The following VPS13C variants were observed in gnomAD, a reference collection of about 807,000 sequenced individuals.
The protein encoded by VPS13C is intermembrane lipid transfer protein VPS13C.
In VPS13C, 358 loss-of-function variants were observed where a neutral mutation model predicts 456.8. The observed-to-expected ratio is 0.78, with a 90% CI of 0.72 to 0.86. The LOEUF (loss-of-function observed/expected upper bound fraction) is 0.86, where lower values mean the gene tolerates loss of function less well. Among genes scored for constraint, VPS13C ranks in the 40% least tolerant of loss-of-function variants. The probability of loss-of-function intolerance (pLI) is 0.00; values close to 1 mark genes in which losing one functional copy is unlikely to be tolerated. For synonymous variants in VPS13C, 1,578 were observed against 1,486.7 expected, an observed-to-expected ratio of 1.06 and a Z score of -1.41; for missense variants, 4,818 against 4,385.4, an observed-to-expected ratio of 1.10 and a Z score of -2.79.
chr15:61,928,331 A>G lies in VPS13C; in HGVS notation c.6287-1011T>C, dbSNP rs1237803755. Among the ~76,000 whole-genome samples, 2 of 152,126 alleles carry G rather than the reference A, an allele frequency of 1.3e-5. 1 individual carries two copies. The highest frequency in any genetic ancestry group is 3.8e-4 in the East Asian group (2 of 5,196). ...CTGGAAAGAATATCAGGAAGAGGAA[A>G]AGAGACCCTGATAAAATAGATTATT... On this transcript the variant is annotated intron_variant, in intron 51 of 84. Transcript: ENST00000644861.
At chr15:61,964,058 TATAAC>T in intron 31 of VPS13C, 107 bp from the exon 32 acceptor site, 1 of 603,124 alleles carries the variant, frequency 1.7e-6, no homozygotes, top group Admixed American at 3.0e-5. Flanking sequence ...TAAAAAAAAT[TATAAC>T]ATTCTCCAAC....
intron 21 of VPS13C, 24 bp downstream of exon 21, chr15:61,982,435 T>TA: frequency 6.3e-7 from 1 of 1,575,718 alleles, no homozygotes; most frequent in East Asian, 2.2e-5. Context: ...AGCTGATGCT[T>TA]ATGTAGACAC....
At chr15:62,006,794 A>G (rs1394844613) in intron 15 of VPS13C, among the ~76,000 whole-genome samples, 6 of 152,170 alleles carry the variant, frequency 3.9e-5, no homozygotes, top group Non-Finnish European at 8.8e-5. Context: ...AATGGTCGCC[A>G]TTCTAACTGG....
chr15:61,963,130 C>T (rs572012543), intron 32 of VPS13C, among the ~76,000 whole-genome samples: 4 of 152,090 alleles, frequency 2.6e-5, no homozygotes, highest in African/African-American at 9.6e-5. Context: ...TCCTTTATAC[C>T]TTATATCCAG....
At chr15:61,939,042 T>G (rs939945261) in intron 47 of VPS13C, among the ~76,000 whole-genome samples, 1 of 152,264 alleles carries the variant, frequency 6.6e-6, no homozygotes, top group African/African-American at 2.4e-5. Flanking sequence ...CAATTTTGTT[T>G]GATATAGTTC....
rs1281231840 is a variant in VPS13C, at chr15:61,969,405, T to C, written c.2805A>G (p.Leu935=). 1.8e-5 allele frequency: 29 copies of C among 1,581,548 alleles called. No individual in the cohort carries two copies. The highest frequency in any genetic ancestry group is 2.5e-5 in the Non-Finnish European group (29 of 1,162,304). The change falls in exon 28 of 85, where the codon CTA becomes CTG. Residue 935 remains leucine, a synonymous_variant. Coordinates refer to ENST00000644861, the MANE Select transcript of VPS13C (RefSeq NM_020821.3). ...TTCCTAACTGAGTAACATTAAATAC[T>C]AGAATTGTATCTTCTTCTTTCTGCT... ...TKQQKEEDTI[L]VFNVTQLGTE... is the part of the protein sequence containing the mutation.
chr15:61,870,144 CT>C (rs1894908555), intron 79 of VPS13C, among the ~76,000 whole-genome samples: 1 of 152,156 alleles, frequency 6.6e-6, no homozygotes, highest in South Asian at 2.1e-4. Context: ...TATGTTCAGA[CT>C]TCTACAACTA....
intron 3 of VPS13C, among the ~76,000 whole-genome samples, chr15:62,038,996 T>C (rs888835544): frequency 2.6e-5 from 4 of 152,122 alleles, no homozygotes; most frequent in African/African-American, 4.8e-5. Context: ...TTGAGTACTG[T>C]TGGTGAAAAT....
chr15:62,055,125 GA>G (rs1182732180), intron 1 of VPS13C, among the ~76,000 whole-genome samples: 4 of 152,156 alleles, frequency 2.6e-5, no homozygotes, highest in African/African-American at 9.7e-5. Context: ...AACAGAAACA[GA>G]AAGACAATGG....
chr15:61,991,901 T>A, intron 16 of VPS13C, 99 bp from the exon 17 acceptor site: 3 of 1,202,538 alleles, frequency 2.5e-6, no homozygotes, highest in Non-Finnish European at 3.4e-6. Context: ...TTTTTTTTTT[T>A]AACGCTACGT....
intron 26 of VPS13C, among the ~76,000 whole-genome samples, 166 bp from the exon 27 acceptor site, chr15:61,972,930 T>A (rs2045598865): frequency 6.6e-6 from 1 of 152,208 alleles, no homozygotes; most frequent in Non-Finnish European, 1.5e-5. Context: ...TGACTCAACC[T>A]GCCATGTAAT....
intron 71 of VPS13C, 98 bp from the exon 72 acceptor site, chr15:61,881,052 T>G (rs1239816688): frequency 2.1e-6 from 2 of 930,946 alleles, no homozygotes; most frequent in Admixed American, 3.2e-5. Flanking sequence ...AGTTATATCT[T>G]GTTCCTTCAT....
intron 45 of VPS13C, among the ~76,000 whole-genome samples, chr15:61,944,712 C>G (rs996567808): frequency 2.0e-5 from 3 of 152,060 alleles, no homozygotes; most frequent in Admixed American, 2.0e-4. Flanking sequence ...AACCCCAAAC[C>G]TCAGCATCAT....
In VPS13C at chr15:61,941,914, GA is replaced by G; in HGVS notation, c.5301del (p.Pro1768LeufsTer11). ...GCATTAGGTGATACTGAAGACTGAG[GA>G]ATAATAATAACTGGTGCTTTCAAAT... ...DINLKAPVII[I>X]PQSSVSPNAV... On this transcript the variant is annotated frameshift_variant, in exon 46 of 85. Coordinates refer to ENST00000644861, the MANE Select transcript of VPS13C (RefSeq NM_020821.3). LOFTEE classifies it high-confidence loss of function. The G allele has an allele frequency of 6.2e-7, 1 of 1,613,966 alleles. No homozygotes were observed. The highest frequency in any genetic ancestry group is 8.5e-7 in the Non-Finnish European group (1 of 1,179,918).
chr15:61,914,755 T>C (rs2043409007), intron 61 of VPS13C, among the ~76,000 whole-genome samples: 1 of 150,948 alleles, frequency 6.6e-6, no homozygotes, highest in African/African-American at 2.4e-5. Context: ...GAGACGGGGT[T>C]TCACCAGGTT....
chr15:62,038,734 A>G (rs1036265049), intron 3 of VPS13C, among the ~76,000 whole-genome samples: 3 of 152,240 alleles, frequency 2.0e-5, no homozygotes, highest in Non-Finnish European at 2.9e-5. Context: ...TCCAGAATCT[A>G]CAAGGAACTC....
rs1216531619 is a variant in VPS13C at position 61,981,472 on chromosome 15, G to A, written c.2036C>T (p.Thr679Ile). Residue 679 changes from threonine to isoleucine, a missense_variant, in exon 22 of 85, where the codon ACA becomes ATA. This residue lies in a region of VPS13C where 4,552 missense variants were observed against 4,130.6 expected (regional missense o/e 1.10). Coordinates refer to ENST00000644861, the MANE Select transcript of VPS13C (RefSeq NM_020821.3). ...GACTTTTCGAGTTTCAATAATATGT[G>A]TAAGTCCTAAAGACGTAAGAAATAA... ...EIKERTATGL[T>I]HIIETRKVLD... The A allele has an allele frequency of 6.3e-7, 1 of 1,599,310 alleles. No homozygotes were observed. Among genetic ancestry groups the A allele is most frequent in the South Asian group, 1.1e-5 (1 of 87,908 alleles).
At chr15:61,925,142 T>C (rs1377374394) in intron 53 of VPS13C, among the ~76,000 whole-genome samples, 1 of 152,062 alleles carries the variant, frequency 6.6e-6, no homozygotes, top group Non-Finnish European at 1.5e-5. Flanking sequence ...CCATCCCTTC[T>C]TCCCTTCTCT....
In VPS13C at chr15:61,964,962, C is replaced by T. The variant is rs193247277; in HGVS notation, c.3052-101G>A. ...ATTCTCAGGTGGGCTTACATCATTGCTTTCCACCACTCTGAAGGAAGAGTA... is the reference window on the plus strand; with the variant it reads ...ATTCTCAGGTGGGCTTACATCATTGTTTTCCACCACTCTGAAGGAAGAGTA... On this transcript the variant is annotated intron_variant, in intron 30 of 84. Coordinates refer to ENST00000644861, the MANE Select transcript of VPS13C (RefSeq NM_020821.3). 359 of 1,038,516 alleles carry T rather than the reference C, an allele frequency of 3.5e-4. 1 individual carries two copies. The East Asian group carries it at 6.3e-3, about 18-fold the overall frequency. 64.3% of individuals were successfully genotyped at this position (1,038,516 alleles called of 1,614,324 possible).
Sources: gnomAD v4.1 joint callset for allele counts (sites outside exome capture counted in the v4.1 genomes callset) on GRCh38, gnomAD v4.1.1 for gene constraint, gnomAD v4.1.1 regional missense constraint, MANE v1.5 for transcripts, NCBI Gene and HGNC (gene_info 2026-07-23, HGNC 2026-07-21) for gene names.